Variants in CERKL observed in about 807,000 individuals in gnomAD.
CERKL encodes ceramide kinase-like protein.
In CERKL, 61 loss-of-function variants were observed where a neutral mutation model predicts 63.4. The observed-to-expected ratio is 0.96, with a 90% CI of 0.78 to 1.19. The LOEUF (loss-of-function observed/expected upper bound fraction) is 1.19. Ranked by LOEUF, CERKL falls within the 50% of genes most tolerant of loss-of-function variation. The probability of loss-of-function intolerance (pLI) is 0.00; values close to 1 mark genes in which losing one functional copy is unlikely to be tolerated. For missense variants in CERKL, 675 were observed against 655.5 expected (o/e 1.03, Z -0.33); for synonymous variants, 250 against 230.5 (o/e 1.08, Z -0.77).
At chr2:181,626,154 G>C (rs1011495054) in intron 1 of CERKL, among the ~76,000 whole-genome samples, 2 of 152,192 alleles carry the variant, frequency 1.3e-5, no homozygotes, top group South Asian at 2.1e-4. Flanking sequence ...ACTTTAAAGA[G>C]TATAGTAATA....
intron 1 of CERKL, among the ~76,000 whole-genome samples, chr2:181,640,815 T>A (rs935171546): frequency 6.6e-6 from 1 of 152,206 alleles, no homozygotes; most frequent in Non-Finnish European, 1.5e-5. Context: ...CTCTCTGGTT[T>A]AATGACCTTG....
intron 1 of CERKL, among the ~76,000 whole-genome samples, chr2:181,654,358 TC>T (rs1688066165): frequency 6.6e-6 from 1 of 152,186 alleles, no homozygotes; most frequent in African/African-American, 2.4e-5. Flanking sequence ...CATCAATTTG[TC>T]CCAATTTTGG....
At chr2:181,566,744 C>T (rs908030208) in intron 3 of CERKL, among the ~76,000 whole-genome samples, 4 of 152,120 alleles carry the variant, frequency 2.6e-5, no homozygotes, top group Non-Finnish European at 5.9e-5. Context: ...ATCGCTGTCT[C>T]CACAGTCACT....
At chr2:181,644,835 A>ATT (rs1687601885) in intron 1 of CERKL, among the ~76,000 whole-genome samples, 1 of 152,218 alleles carries the variant, frequency 6.6e-6, no homozygotes, top group South Asian at 2.1e-4. Context: ...AAAAAAAAGC[A>ATT]CAAAGGAAGC....
In CERKL at chr2:181,656,816, C is replaced by G. The variant is rs61760902; in HGVS notation, c.191G>C (p.Ser64Thr). ...GGGCCGCCACCGCAGTGCTCGCTCG[C>G]TCAGCACCACGTCACAACTGTCCCT... Reference protein sequence around the residue: ...IGRDSCDVVLSERALRWRPIQ... With the variant: ...IGRDSCDVVLTERALRWRPIQ... The change falls in exon 1 of 13, where the codon AGC (serine) becomes ACC (threonine). Residue 64 changes from serine (S) to threonine (T), a missense_variant. By Grantham distance (58) the Ser-to-Thr change is moderately conservative. Coordinates refer to ENST00000410087, the MANE Select transcript of CERKL (RefSeq NM_201548.5). 6.3e-7 allele frequency: 1 copy of G among 1,598,222 alleles called. No homozygotes were observed. The highest frequency in any genetic ancestry group is 8.5e-7 in the Non-Finnish European group (1 of 1,169,682).
At chr2:181,616,501 C>T (rs531066535) in intron 1 of CERKL, among the ~76,000 whole-genome samples, 128 of 152,094 alleles carry the variant, frequency 8.4e-4, no homozygotes, top group Middle Eastern at 3.4e-3. Flanking sequence ...TGTGAGCCAC[C>T]GCACCCAGCC....
chr2:181,556,563 G>A (rs1412860169), intron 5 of CERKL, among the ~76,000 whole-genome samples: 2 of 152,124 alleles, frequency 1.3e-5, no homozygotes, highest in African/African-American at 2.4e-5. Flanking sequence ...TCCCTACAAA[G>A]GATATGAACT....
chr2:181,645,055 C>T (rs1687610868), intron 1 of CERKL, among the ~76,000 whole-genome samples: 1 of 152,174 alleles, frequency 6.6e-6, no homozygotes. Flanking sequence ...AAGACAGTCA[C>T]ATTCCTGCTA....
chr2:181,609,994 C>T (rs1368897412), intron 1 of CERKL, among the ~76,000 whole-genome samples: 3 of 151,616 alleles, frequency 2.0e-5, no homozygotes, highest in Non-Finnish European at 1.5e-5. Flanking sequence ...ATAGAAAAGC[C>T]GTAAGACACA....
intron 1 of CERKL, among the ~76,000 whole-genome samples, chr2:181,646,132 G>A (rs893803947): frequency 1.3e-5 from 2 of 152,238 alleles, no homozygotes; most frequent in African/African-American, 4.8e-5. Flanking sequence ...GTCGGACAGA[G>A]AAGGATGGCA....
chr2:181,638,571 C>T (rs941906611), intron 1 of CERKL, among the ~76,000 whole-genome samples: 29 of 152,120 alleles, frequency 1.9e-4, no homozygotes, highest in African/African-American at 7.0e-4. Context: ...AATAAAAAAA[C>T]CTCATTGGTC....
At chr2:181,589,938 G>A (rs180716577) in intron 2 of CERKL, among the ~76,000 whole-genome samples, 3 of 151,962 alleles carry the variant, frequency 2.0e-5, no homozygotes, top group Non-Finnish European at 2.9e-5. Flanking sequence ...TGACCAGCCC[G>A]AGTAACTGGG....
At chr2:181,591,814 A>C (rs1685001123) in intron 2 of CERKL, among the ~76,000 whole-genome samples, 1 of 152,180 alleles carries the variant, frequency 6.6e-6, no homozygotes, top group South Asian at 2.1e-4. Flanking sequence ...AAGAGTCTAC[A>C]AGGTATGACC....
At chr2:181,538,600 T>C (rs1204980261) in intron 12 of CERKL, among the ~76,000 whole-genome samples, 1 of 152,200 alleles carries the variant, frequency 6.6e-6, no homozygotes, top group Non-Finnish European at 1.5e-5. Flanking sequence ...TAAACCTGTT[T>C]ATACCAGTTG....
chr2:181,596,397 T>A (rs1272725712), intron 2 of CERKL, among the ~76,000 whole-genome samples: 1 of 152,218 alleles, frequency 6.6e-6, no homozygotes, highest in Admixed American at 6.5e-5. Flanking sequence ...CTGCCTGATG[T>A]TACTTATCCC....
At chr2:181,578,574 A>G (rs1296447152) in intron 2 of CERKL, among the ~76,000 whole-genome samples, 1 of 151,148 alleles carries the variant, frequency 6.6e-6, no homozygotes, top group African/African-American at 2.5e-5. Context: ...CTAGGATTAC[A>G]GGTATGAACC....
intron 4 of CERKL, among the ~76,000 whole-genome samples, chr2:181,562,542 A>G (rs770333636): frequency 2.6e-5 from 4 of 152,220 alleles, no homozygotes; most frequent in Non-Finnish European, 4.4e-5. Flanking sequence ...AAAGCAAAGT[A>G]TTCAATCATT....
chr2:181,537,514 C>CT lies in CERKL; in HGVS notation c.*669dup. On this transcript the variant is annotated 3_prime_UTR_variant, in exon 13 of 13. Coordinates refer to ENST00000410087, the MANE Select transcript of CERKL (RefSeq NM_201548.5). The stretch of plus-strand genomic sequence containing the variant: ...CTTTTTTGGCAGGTAGGCTATATAA[C>CT]TATGTGATTTTGAAATTTAACTGCT... 4.4e-6 allele frequency: 2 copies of CT among 450,056 alleles called. No individual in the cohort carries two copies. The highest frequency in any genetic ancestry group is 8.9e-6 in the Non-Finnish European group (2 of 224,374). The allele number at this position is 450,056 out of a possible 1,614,324, so 27.9% of individuals were successfully genotyped here. A position where few individuals can be genotyped will look rare whatever the true frequency, so the allele number is the denominator to read the frequency against.
At chr2:181,568,882 G>T (rs548817149) in intron 3 of CERKL, among the ~76,000 whole-genome samples, 12 of 134,510 alleles carry the variant, frequency 8.9e-5, no homozygotes, top group Non-Finnish European at 1.4e-4. Flanking sequence ...TCCCCTTCCT[G>T]TGTCCATGAT....
Sources: allele counts gnomAD v4.1 joint callset (sites outside exome capture counted in the v4.1 genomes callset), GRCh38; gene constraint gnomAD v4.1.1; transcripts MANE v1.5; gene names NCBI Gene and HGNC (gene_info 2026-07-23, HGNC 2026-07-21).